Variants in MAP3K15 observed in about 807,000 individuals in gnomAD.
MAP3K15 encodes MAPK/ERK kinase kinase 15.
MAP3K15 carries 124 observed loss-of-function variants against 99.5 expected under a neutral mutation model. That is an observed-to-expected ratio of 1.25 (90% CI 1.08 to 1.45). MAP3K15 has a LOEUF of 1.45. Among genes scored for constraint, MAP3K15 ranks in the 40% most tolerant of loss-of-function variants. The probability of loss-of-function intolerance (pLI) is 0.00; values close to 1 mark genes in which losing one functional copy is unlikely to be tolerated. For synonymous variants in MAP3K15, 494 were observed against 439.6 expected, an observed-to-expected ratio of 1.12 and a Z score of -1.55; for missense variants, 1,242 against 1,079.7, an observed-to-expected ratio of 1.15 and a Z score of -2.11.
chrX:19,379,975 C>T (rs949265921), intron 19 of MAP3K15, 145 bp downstream of exon 19: 4 of 613,301 alleles, frequency 6.5e-6, no homozygotes, highest in Admixed American at 4.8e-5. Context: ...TGATGCACCT[C>T]GCATTCTGGT....
intron 19 of MAP3K15, among the ~76,000 whole-genome samples, chrX:19,379,677 G>C (rs907538972): frequency 6.3e-5 from 7 of 110,489 alleles, no homozygotes; most frequent in Middle Eastern, 4.6e-3. Context: ...CCTGACCTCA[G>C]GTGATCCACC....
At chrX:19,419,819 C>G (rs1291248067) in intron 9 of MAP3K15, among the ~76,000 whole-genome samples, 2 of 112,009 alleles carry the variant, frequency 1.8e-5, no homozygotes, top group East Asian at 5.6e-4. Flanking sequence ...TGTGAAAGAA[C>G]AGAAATTATA....
At chrX:19,424,812 ATT>A (rs34164536) in intron 9 of MAP3K15, among the ~76,000 whole-genome samples, 1 of 95,252 alleles carries the variant, frequency 1.0e-5, no homozygotes. Flanking sequence ...ATGCCTGGCT[ATT>A]TTTTTTTTTT....
chrX:19,400,759 C>T (rs2063602372), intron 13 of MAP3K15, 96 bp from the exon 14 acceptor site: 1 of 559,317 alleles, frequency 1.8e-6, no homozygotes, highest in African/African-American at 2.3e-5. Context: ...TAAATATAAA[C>T]CAAACTTTTA....
At chrX:19,401,199 T>C (rs1305149135) in intron 13 of MAP3K15, among the ~76,000 whole-genome samples, 1 of 109,895 alleles carries the variant, frequency 9.1e-6, no homozygotes, top group Non-Finnish European at 1.9e-5. Flanking sequence ...TTACTCTTTT[T>C]CTTTTTTTTT....
At position 19,419,607 on chromosome X, in the gene MAP3K15, A is replaced by G. The variant is rs2063766065; in HGVS notation, c.1440-4350T>C. On this transcript the variant is annotated intron_variant, in intron 9 of 28. Transcript: ENST00000338883. ...TAATAATGGGAGACTTTAACACCCC[A>G]CTGTCAACATTAGACAGATCCACGA... 6.3e-5 allele frequency among the ~76,000 whole-genome samples: 7 copies of G among 111,235 alleles called. No individual in the cohort carries two copies. The South Asian group carries it at 2.7e-3, about 43-fold the overall frequency.
chrX:19,378,615 G>T (rs979368075), intron 19 of MAP3K15, among the ~76,000 whole-genome samples: 1 of 111,384 alleles, frequency 9.0e-6, no homozygotes, highest in African/African-American at 3.3e-5. Context: ...CCCACAACAC[G>T]TGGGGATTAT....
In MAP3K15 at chrX:19,371,058, TA is replaced by T; in HGVS notation, c.3300del (p.Asn1100LysfsTer4). ...CTAATTAAGTGGTTCCTCAAAATTT[TA>T]TTTACCTAAAAAAAAAAAAAATAAT... is the stretch of plus-strand genomic sequence containing the variant. ...LVLFGFQDAV[N>X]KILRNHLIRP... On this transcript the variant is annotated frameshift_variant, in exon 24 of 29. Coordinates refer to ENST00000338883, the MANE Select transcript of MAP3K15 (RefSeq NM_001001671.4). LOFTEE classifies it high-confidence loss of function. 1 of 1,120,659 alleles carries T rather than the reference TA, an allele frequency of 8.9e-7. No individual in the cohort carries two copies. Among genetic ancestry groups the T allele is most frequent in the East Asian group, 3.2e-5 (1 of 31,499 alleles). The allele number at this position is 1,120,659 out of a possible 1,213,427, so 92.4% of individuals were successfully genotyped here. A position where few individuals can be genotyped will look rare whatever the true frequency, so the allele number is the denominator to read the frequency against.
At chrX:19,365,788 C>G (rs968550945) in intron 25 of MAP3K15, among the ~76,000 whole-genome samples, 8 of 110,828 alleles carry the variant, frequency 7.2e-5, no homozygotes, top group Non-Finnish European at 1.9e-5. Flanking sequence ...AGGTGGATCA[C>G]CTGAGGTCAG....
intron 3 of MAP3K15, among the ~76,000 whole-genome samples, chrX:19,479,300 G>T (rs920974419): frequency 9.0e-6 from 1 of 110,884 alleles, no homozygotes; most frequent in Non-Finnish European, 1.9e-5. Context: ...TAGTGATGAA[G>T]GACAAATGGA....
At chrX:19,371,137 T>C (rs1446780985) in intron 23 of MAP3K15, 73 bp from the exon 24 acceptor site, 1 of 886,044 alleles carries the variant, frequency 1.1e-6, no homozygotes, top group African/African-American at 2.1e-5. Context: ...GCACGGAGAA[T>C]CACGGCAACC....
intron 22 of MAP3K15, among the ~76,000 whole-genome samples, chrX:19,372,349 G>C (rs759827651): frequency 4.5e-5 from 5 of 111,332 alleles, no homozygotes; most frequent in South Asian, 7.5e-4. Flanking sequence ...TGAGAGGCCA[G>C]AGAAGGTGCT....
chrX:19,425,041 C>T (rs764004795), intron 9 of MAP3K15, among the ~76,000 whole-genome samples: 1 of 111,334 alleles, frequency 9.0e-6, no homozygotes, highest in African/African-American at 3.3e-5. Context: ...TTTTCTTACT[C>T]TACAACAAAC....
intron 1 of MAP3K15, among the ~76,000 whole-genome samples, chrX:19,501,207 A>G (rs1415725439): frequency 1.8e-5 from 2 of 111,927 alleles, no homozygotes; most frequent in African/African-American, 6.5e-5. Flanking sequence ...CACTCTCTCC[A>G]GCAGGGAGGG....
intron 26 of MAP3K15, 184 bp from the exon 27 acceptor site, chrX:19,361,777 A>G (rs2063291241): frequency 5.4e-6 from 2 of 367,790 alleles, no homozygotes; most frequent in East Asian, 4.5e-5. Context: ...CACTTTCTAG[A>G]AAGCCTCCTC....
At chrX:19,411,909 G>T (rs1396451207) in intron 11 of MAP3K15, among the ~76,000 whole-genome samples, 1 of 112,249 alleles carries the variant, frequency 8.9e-6, no homozygotes, top group African/African-American at 3.2e-5. Context: ...TTGACTCTGC[G>T]TGAGACAGGA....
At chrX:19,432,944 TC>T (rs960893302) in intron 6 of MAP3K15, among the ~76,000 whole-genome samples, 8 of 112,067 alleles carry the variant, frequency 7.1e-5, no homozygotes, top group African/African-American at 2.6e-4. Flanking sequence ...ACTCCTGACT[TC>T]AGGTGATCCA....
At chrX:19,509,640 A>G in intron 1 of MAP3K15, among the ~76,000 whole-genome samples, 1 of 112,076 alleles carries the variant, frequency 8.9e-6, no homozygotes, top group South Asian at 3.7e-4. Context: ...AAGAGAAAGC[A>G]GGAAAGATCT....
In MAP3K15 at chrX:19,371,498, G is replaced by A. The variant is rs751279252; in HGVS notation, c.3141C>T (p.His1047=). 149 of 1,203,427 alleles carry A rather than the reference G, an allele frequency of 1.2e-4. No homozygotes were observed. The highest frequency in any genetic ancestry group is 1.7e-4 in the Non-Finnish European group (147 of 890,187). The part of the protein sequence containing the change: ...SSEELHLSVG[H]IKQIIGILRD... ...TCAGGATCCCAATGATTTGCTTGAT[G>A]TGTCCAACTGAGAGATGCAACTCTT... Residue 1047 remains histidine (H), a synonymous_variant, in exon 23 of 29, where the codon CAC becomes CAT. Transcript: ENST00000338883.
Sources: allele counts gnomAD v4.1 joint callset (sites outside exome capture counted in the v4.1 genomes callset), GRCh38; gene constraint gnomAD v4.1.1; transcripts MANE v1.5; gene names NCBI Gene and HGNC (gene_info 2026-07-23, HGNC 2026-07-21).